Variants in ABTB3 observed in about 807,000 individuals in gnomAD.
ABTB3 encodes the protein ankyrin repeat- and BTB/POZ domain-containing protein 3.
the ABTB3 span, among the ~76,000 whole-genome samples, chr12:107,507,059 T>C: frequency 6.6e-6 from 1 of 152,204 alleles, no homozygotes; most frequent in South Asian, 2.1e-4. Context: ...ATGTTCAAGA[T>C]GGCAGTGAAG....
chr12:107,560,575 C>T, the ABTB3 span, among the ~76,000 whole-genome samples: 42 of 152,264 alleles, frequency 2.8e-4, no homozygotes, highest in Non-Finnish European at 5.1e-4. Flanking sequence ...ACAGCAAAAC[C>T]GGAAACTGGG....
the ABTB3 span, among the ~76,000 whole-genome samples, chr12:107,410,789 A>G: frequency 1.1e-4 from 17 of 152,120 alleles, no homozygotes; most frequent in African/African-American, 3.9e-4. Context: ...CAAGCTTGTC[A>G]TGGGTTTCAT....
chr12:107,447,064 A>G, the ABTB3 span, among the ~76,000 whole-genome samples: 8 of 152,304 alleles, frequency 5.3e-5, no homozygotes, highest in South Asian at 1.7e-3. Flanking sequence ...GTTCCAGAAC[A>G]CTGTGGGGGA....
the ABTB3 span, among the ~76,000 whole-genome samples, chr12:107,555,571 C>T: frequency 4.6e-5 from 7 of 152,148 alleles, no homozygotes; most frequent in East Asian, 9.6e-4. Context: ...CATGGGAAAA[C>T]GGAAAAAAAA....
the ABTB3 span, among the ~76,000 whole-genome samples, chr12:107,325,773 A>G: frequency 6.6e-6 from 1 of 152,236 alleles, no homozygotes; most frequent in African/African-American, 2.4e-5. Context: ...GGAGTCAGGC[A>G]CACCTGTAAG....
At chr12:107,337,995 A>T in the ABTB3 span, among the ~76,000 whole-genome samples, 2 of 152,184 alleles carry the variant, frequency 1.3e-5, no homozygotes, top group Non-Finnish European at 2.9e-5. Flanking sequence ...GTACTGGTGT[A>T]ATGGGAAAAG....
the ABTB3 span, among the ~76,000 whole-genome samples, chr12:107,342,192 T>C: frequency 1.8e-4 from 28 of 152,116 alleles, no homozygotes; most frequent in African/African-American, 6.8e-4. Flanking sequence ...TGAGTTTCCG[T>C]TGGGTCCAGG....
At chr12:107,433,214 C>T in the ABTB3 span, among the ~76,000 whole-genome samples, 2 of 143,302 alleles carry the variant, frequency 1.4e-5, no homozygotes, top group South Asian at 2.3e-4. Flanking sequence ...GGCGTGAACC[C>T]GGGAAGCGGA....
chr12:107,392,763 C>G, the ABTB3 span, among the ~76,000 whole-genome samples: 1 of 152,234 alleles, frequency 6.6e-6, no homozygotes, highest in Non-Finnish European at 1.5e-5. Context: ...ACATCCATTG[C>G]TGAACTAAGC....
chr12:107,527,692 G>C, the ABTB3 span, among the ~76,000 whole-genome samples: 1 of 152,240 alleles, frequency 6.6e-6, no homozygotes, highest in South Asian at 2.1e-4. Flanking sequence ...GCTTCCAGCT[G>C]AATCCAGAGG....
chr12:107,583,154 G>A, the ABTB3 span, among the ~76,000 whole-genome samples: 1 of 152,182 alleles, frequency 6.6e-6, no homozygotes, highest in Non-Finnish European at 1.5e-5. Flanking sequence ...CTGCTTAGAG[G>A]TTGGTGTGAG....
the ABTB3 span, among the ~76,000 whole-genome samples, chr12:107,457,090 G>A: frequency 2.0e-5 from 3 of 152,184 alleles, no homozygotes; most frequent in Non-Finnish European, 4.4e-5. Context: ...TCGAACTCCT[G>A]ACCTCAGTTG....
At chr12:107,545,918 C>T in the ABTB3 span, among the ~76,000 whole-genome samples, 4 of 152,164 alleles carry the variant, frequency 2.6e-5, 1 homozygote, top group East Asian at 3.9e-4. Context: ...CCTGCTCCCA[C>T]CTCCATGCAG....
At chr12:107,347,772 A>T in the ABTB3 span, among the ~76,000 whole-genome samples, 1 of 152,174 alleles carries the variant, frequency 6.6e-6, no homozygotes, top group African/African-American at 2.4e-5. Flanking sequence ...CCACCCCTTG[A>T]TGGGAGAGTC....
the ABTB3 span, among the ~76,000 whole-genome samples, chr12:107,423,129 C>T: frequency 6.6e-6 from 1 of 152,132 alleles, no homozygotes; most frequent in Non-Finnish European, 1.5e-5. Context: ...TCCCTTCCCC[C>T]CTAAAGTTGT....
chr12:107,531,008 G>T, the ABTB3 span, among the ~76,000 whole-genome samples: 1 of 152,328 alleles, frequency 6.6e-6, no homozygotes, highest in South Asian at 2.1e-4. Flanking sequence ...AATGAAGAGC[G>T]CAGACCTTAG....
At chr12:107,579,705 C>T in the ABTB3 span, among the ~76,000 whole-genome samples, 5 of 152,200 alleles carry the variant, frequency 3.3e-5, no homozygotes, top group Non-Finnish European at 7.3e-5. Flanking sequence ...CCATGGTGGC[C>T]ATGCTGGACT....
chr12:107,486,407 G>A, the ABTB3 span: 1 of 152,104 alleles, frequency 6.6e-6, no homozygotes, highest in African/African-American at 2.4e-5. Flanking sequence ...GCTACAAAGA[G>A]TATATGGCCC....
chr12:107,402,762 A>G, the ABTB3 span, among the ~76,000 whole-genome samples: 1 of 152,218 alleles, frequency 6.6e-6, no homozygotes, highest in African/African-American at 2.4e-5. Context: ...CCTTGCAGAC[A>G]GAATTCCTAA....
Sources: allele counts gnomAD v4.1 joint callset (sites outside exome capture counted in the v4.1 genomes callset), GRCh38; gene constraint gnomAD v4.1.1; transcripts MANE v1.5; gene names NCBI Gene and HGNC (gene_info 2026-07-23, HGNC 2026-07-21).